Variants in GLTP observed in about 807,000 individuals in gnomAD.
GLTP encodes glycolipid transfer protein.
In GLTP, 22 loss-of-function variants were observed where a neutral mutation model predicts 24.0. The ratio of observed to expected loss-of-function variants is 0.92; its 90% CI spans 0.65 to 1.31. The LOEUF (loss-of-function observed/expected upper bound fraction) is 1.31, where lower values mean the gene tolerates loss of function less well. GLTP is among the 50% of genes most tolerant of loss of function. GLTP has a pLI of 0.00. For synonymous variants in GLTP, 92 were observed against 115.9 expected, an observed-to-expected ratio of 0.79 and a Z score of 1.33; for missense variants, 224 against 276.6, an observed-to-expected ratio of 0.81 and a Z score of 1.35.
Position 109,852,618 on chromosome 12 carries a change from C to T in GLTP, c.567G>A (p.Ala189=), listed in dbSNP as rs1789879693. Residue 189 remains alanine (A), a synonymous_variant, in exon 5 of 5, where the codon GCG becomes GCA. Transcript: ENST00000318348. ...KIRLFLVNYT[A]TIDVIYEMYT... ...ACATCTCGTAGATGACATCGATGGT[C>T]GCCGTGTAGTTGACTAGGAAGAGGC... is the stretch of plus-strand genomic sequence containing the variant. 5 of 1,607,762 alleles carry T rather than the reference C, an allele frequency of 3.1e-6. No homozygotes were observed. The highest frequency in any genetic ancestry group is 1.1e-5 in the South Asian group (1 of 90,950).
intron 1 of GLTP, among the ~76,000 whole-genome samples, chr12:109,866,908 C>T (rs888076840): frequency 6.7e-6 from 1 of 149,900 alleles, no homozygotes; most frequent in Non-Finnish European, 1.5e-5. Flanking sequence ...TACAGATGTG[C>T]ACCACCATGC....
At chr12:109,858,803 G>A (rs769641115) in intron 1 of GLTP, 62 bp from the exon 2 acceptor site, 21 of 1,075,580 alleles carry the variant, frequency 2.0e-5, no homozygotes, top group South Asian at 3.7e-5. Context: ...CAGGGCCACC[G>A]CAGGCCATGG....
intron 1 of GLTP, chr12:109,866,349 G>C (rs1868528025): frequency 6.6e-6 from 1 of 152,246 alleles, no homozygotes; most frequent in African/African-American, 2.4e-5. Context: ...TAAGCAACCT[G>C]GTGGTCCTCT....
rs758216505 is a variant in GLTP, at chr12:109,855,674, G to A, written c.392C>T (p.Ala131Val). The stretch of plus-strand genomic sequence containing the variant: ...GTACTTCTTGAGGGCCATCTCGTAG[G>A]CCTTGGTGGCGTTGACACGGATGAG... ...PNLIRVNATKAYEMALKKYHG... is the reference protein window; with the variant it reads ...PNLIRVNATKVYEMALKKYHG... Residue 131 changes from alanine to valine, a missense_variant, in exon 4 of 5, where the codon GCC becomes GTC. By Grantham distance (64) the Ala-to-Val change is moderately conservative. Coordinates refer to ENST00000318348, the MANE Select transcript of GLTP (RefSeq NM_016433.4). The surrounding 1 kb of genome is among the most constrained non-coding windows in gnomAD (Gnocchi z 4.1). The A allele has an allele frequency of 6.2e-7, 1 of 1,608,148 alleles. No individual in the cohort carries two copies. Among genetic ancestry groups the A allele is most frequent in the Admixed American group, 1.7e-5 (1 of 58,960 alleles).
At chr12:109,862,287 G>A (rs1488010935) in intron 1 of GLTP, among the ~76,000 whole-genome samples, 1 of 152,162 alleles carries the variant, frequency 6.6e-6, no homozygotes, top group Non-Finnish European at 1.5e-5. Flanking sequence ...ACTGACCTCC[G>A]CTGCGTGTAG....
chr12:109,871,116 C>T (rs1396908298), intron 1 of GLTP, among the ~76,000 whole-genome samples: 2 of 133,956 alleles, frequency 1.5e-5, no homozygotes, highest in African/African-American at 5.7e-5. Context: ...GAGACGGACT[C>T]TCGCTCTGTC....
At chr12:109,856,900 G>A (rs997064497) in intron 3 of GLTP, among the ~76,000 whole-genome samples, 2 of 152,236 alleles carry the variant, frequency 1.3e-5, no homozygotes, top group Non-Finnish European at 2.9e-5. Context: ...CAGGCATGGT[G>A]GTGCACACCT....
At position 109,857,703 on chromosome 12, in the gene GLTP, CAT is replaced by C. The variant is rs1302558240; in HGVS notation, c.163-46_163-45del. 4.3e-6 allele frequency: 7 copies of C among 1,611,832 alleles called. No individual in the cohort carries two copies. In the Admixed American group the frequency reaches 1.2e-4, roughly 27 times the overall value. On this transcript the variant is annotated intron_variant, in intron 2 of 4. Transcript: ENST00000318348. The surrounding 1 kb of genome is among the most constrained non-coding windows in gnomAD (Gnocchi z 4.3). Reference sequence around the variant, plus strand: ...GATTTCCCCTTGGGTAAGCTGCCCCCATAGACATCTGGCCCGCACGCTGGGTG... The same window carrying C: ...GATTTCCCCTTGGGTAAGCTGCCCCCAGACATCTGGCCCGCACGCTGGGTG...
chr12:109,878,038 T>C (rs1341365346), intron 1 of GLTP, among the ~76,000 whole-genome samples: 2 of 152,220 alleles, frequency 1.3e-5, no homozygotes, highest in Admixed American at 6.5e-5. Context: ...CTGCGGCTTC[T>C]GTATAAATGG....
intron 1 of GLTP, among the ~76,000 whole-genome samples, chr12:109,861,120 A>T (rs4766639): frequency 6.6e-6 from 1 of 151,932 alleles, no homozygotes; most frequent in Non-Finnish European, 1.5e-5. Flanking sequence ...CAGTGTGGGC[A>T]CCAAGTGACC....
intron 1 of GLTP, among the ~76,000 whole-genome samples, chr12:109,870,538 A>G (rs190847446): frequency 3.3e-5 from 5 of 152,306 alleles, no homozygotes; most frequent in Admixed American, 2.6e-4. Flanking sequence ...ATTATTATAA[A>G]TTATATCATC....
intron 1 of GLTP, among the ~76,000 whole-genome samples, chr12:109,872,547 C>G (rs1868757771): frequency 6.6e-6 from 1 of 152,158 alleles, no homozygotes; most frequent in African/African-American, 2.4e-5. Flanking sequence ...ACAATAGGGC[C>G]CTCCATAGCC....
At chr12:109,869,393 T>C (rs1868648624) in intron 1 of GLTP, among the ~76,000 whole-genome samples, 1 of 149,950 alleles carries the variant, frequency 6.7e-6, no homozygotes, top group Non-Finnish European at 1.5e-5. Context: ...CTATTTGTCC[T>C]ATAATTGCTC....
Position 109,867,528 on chromosome 12 carries a change from G to C in GLTP, c.104-8787C>G, listed in dbSNP as rs1414526127. 3.3e-5 allele frequency among the ~76,000 whole-genome samples: 5 copies of C among 152,276 alleles called. 1 individual carries two copies. In the South Asian group the frequency reaches 8.3e-4, roughly 25 times the overall value. On this transcript the variant is annotated intron_variant, in intron 1 of 4. Coordinates refer to ENST00000318348, the MANE Select transcript of GLTP (RefSeq NM_016433.4). ...AAAGAGAAGGTATGCACCAATGAGG[G>C]GTTTCATGCATGGCCTCTGGGACAA...
Position 109,852,373 on chromosome 12 carries a change from CAAA to C in GLTP, c.*179_*181del, listed in dbSNP as rs56313678. On this transcript the variant is annotated 3_prime_UTR_variant, in exon 5 of 5. Coordinates refer to ENST00000318348, the MANE Select transcript of GLTP (RefSeq NM_016433.4). ...TATTTACTGGTCCTTTAGAATAGAC[CAAA>C]AAAAAAAAAAAAAAAGACTTAAAAA... is the stretch of plus-strand genomic sequence containing the variant. The C allele has an allele frequency of 0.017, 4,795 of 282,344 alleles. No individual in the cohort carries two copies. Among genetic ancestry groups the C allele is most frequent in the East Asian group, 0.03 (606 of 20,208 alleles). 17.5% of individuals were successfully genotyped at this position (282,344 alleles called of 1,614,324 possible).
chr12:109,869,326 A>G (rs1868644992), intron 1 of GLTP, among the ~76,000 whole-genome samples: 1 of 150,074 alleles, frequency 6.7e-6, no homozygotes, highest in Non-Finnish European at 1.5e-5. Flanking sequence ...AAAAAGAAAG[A>G]AAGAAAGAAA....
At position 109,855,007 on chromosome 12, in the gene GLTP, T is replaced by G. The variant is rs369088267; in HGVS notation, c.447+612A>C. 1.1e-4 allele frequency among the ~76,000 whole-genome samples: 17 copies of G among 151,362 alleles called. No individual in the cohort carries two copies. In the East Asian group the frequency reaches 1.9e-3, roughly 17 times the overall value. On this transcript the variant is annotated intron_variant, in intron 4 of 4. Coordinates refer to ENST00000318348, the MANE Select transcript of GLTP (RefSeq NM_016433.4). This position sits in a 1 kb window ranked among gnomAD's most constrained non-coding sequence, Gnocchi z 4.1. The stretch of plus-strand genomic sequence containing the variant: ...AACAGGCCGGGCAGGAACACGTGGG[T>G]GAGATGAGGGCAGCAAGCAGCAGGT...
chr12:109,859,274 C>T (rs962087239), intron 1 of GLTP, among the ~76,000 whole-genome samples: 38 of 152,174 alleles, frequency 2.5e-4, no homozygotes, highest in African/African-American at 9.2e-4. Context: ...AATCCCAGCA[C>T]TTTGGGAGGC....
rs764958678 is a variant in GLTP, at chr12:109,858,767, T to G, written c.104-26A>C. On this transcript the variant is annotated intron_variant, in intron 1 of 4. Transcript: ENST00000318348. ...CTGGGGACAAAATGAGAAGACAGAT[T>G]GAGATTCGCAGCAAGAGTGATTTTT... 13 of 1,528,408 alleles carry G rather than the reference T, an allele frequency of 8.5e-6. No homozygotes were observed. In the African/African-American group the frequency reaches 1.1e-4, roughly 13 times the overall value. 94.7% of individuals were successfully genotyped at this position (1,528,408 alleles called of 1,614,324 possible).
Sources: allele counts gnomAD v4.1 joint callset (sites outside exome capture counted in the v4.1 genomes callset), GRCh38; gene constraint gnomAD v4.1.1; non-coding constraint Gnocchi (gnomAD v3.1); transcripts MANE v1.5; gene names NCBI Gene and HGNC (gene_info 2026-07-23, HGNC 2026-07-21).